WNT7B: variants seen among roughly 807,000 people sequenced by gnomAD.
The protein encoded by WNT7B is protein Wnt-7b.
Under a neutral mutation model 38.2 loss-of-function variants are expected in WNT7B, and 19 were observed. The ratio of observed to expected loss-of-function variants is 0.50; its 90% CI spans 0.35 to 0.73. The LOEUF is 0.73. Ranked by LOEUF, WNT7B falls within the 30% of genes least tolerant of loss-of-function variation. WNT7B has a pLI of 0.01. For synonymous variants in WNT7B, 243 were observed against 209.3 expected (o/e 1.16, Z -1.39); for missense variants, 423 against 507.9 (o/e 0.83, Z 1.61).
At chr22:45,956,911 T>G (rs576352390) in intron 1 of WNT7B, among the ~76,000 whole-genome samples, 188 of 151,880 alleles carry the variant, frequency 1.2e-3, no homozygotes, top group Non-Finnish European at 2.3e-3. Flanking sequence ...ATCGAGACCA[T>G]CCTGGCCAAC....
rs1932536159 is a variant in WNT7B, at chr22:45,975,724, G to A, written c.71+960C>T. The A allele has an allele frequency of 2.2e-6, 1 of 462,356 alleles. No individual in the cohort carries two copies. The highest frequency in any genetic ancestry group is 4.0e-6 in the Non-Finnish European group (1 of 252,430). The allele number at this position is 462,356 out of a possible 1,614,324, so 28.6% of individuals were successfully genotyped here. A position where few individuals can be genotyped will look rare whatever the true frequency, so the allele number is the denominator to read the frequency against. ...GGACGGGGCTCGCCTCGGGGCAGCC[G>A]GCGGCGCACAGTAGGCGCGCAGGGC... On this transcript the variant is annotated intron_variant, in intron 1 of 3. Transcript: ENST00000339464. This position sits in a 1 kb window ranked among gnomAD's most constrained non-coding sequence, Gnocchi z 6.6.
At chr22:45,929,480 C>CCACCCATG (rs369870859) in intron 3 of WNT7B, among the ~76,000 whole-genome samples, 1 of 143,716 alleles carries the variant, frequency 7.0e-6, no homozygotes, top group South Asian at 2.3e-4. Flanking sequence ...ATCCTTCCAT[C>CCACCCATG]TGTACATCCA....
At chr22:45,972,060 G>A (rs1054020614) in intron 1 of WNT7B, 2 of 504,244 alleles carry the variant, frequency 4.0e-6, no homozygotes, top group Non-Finnish European at 7.0e-6. Context: ...CCCGCCCAGG[G>A]GCCTCGCTGC....
chr22:45,941,718 C>A (rs1001853117), intron 2 of WNT7B, among the ~76,000 whole-genome samples: 13 of 152,078 alleles, frequency 8.5e-5, no homozygotes, highest in African/African-American at 3.1e-4. Context: ...CGAAGATGTC[C>A]CAGCATTGCC....
At chr22:45,927,557 G>C in intron 3 of WNT7B, 1 of 1,409,052 alleles carries the variant, frequency 7.1e-7, no homozygotes, top group East Asian at 2.5e-5. Flanking sequence ...AGGTCACCCT[G>C]GGTTGTCCAA....
intron 1 of WNT7B, among the ~76,000 whole-genome samples, chr22:45,962,071 C>A (rs1932209741): frequency 6.6e-6 from 1 of 151,382 alleles, no homozygotes; most frequent in Admixed American, 6.6e-5. Context: ...GGCTGCCCTC[C>A]CACCCTCCCC....
chr22:45,935,902 C>G (rs533404239), intron 2 of WNT7B: 1 of 985,172 alleles, frequency 1.0e-6, no homozygotes, highest in African/African-American at 1.7e-5. Flanking sequence ...AGCACGGATG[C>G]TCTGTTTGGG....
chr22:45,945,226 G>C (rs1198956133), intron 2 of WNT7B, among the ~76,000 whole-genome samples: 1 of 152,064 alleles, frequency 6.6e-6, no homozygotes, highest in Non-Finnish European at 1.5e-5. Flanking sequence ...TGGGAGTACA[G>C]GCATGTGCCA....
chr22:45,925,128 T>G, intron 3 of WNT7B: 4 of 961,498 alleles, frequency 4.2e-6, no homozygotes, highest in Non-Finnish European at 4.9e-6. Context: ...GGGTGGGCCC[T>G]AGGCTGGCAG....
intron 2 of WNT7B, chr22:45,935,837 C>G (rs1198636753): frequency 3.0e-6 from 3 of 985,432 alleles, no homozygotes; most frequent in Non-Finnish European, 2.4e-6. Flanking sequence ...CGAAAGCCAT[C>G]TGAGCTCAGC....
chr22:45,924,939 TGA>T, intron 3 of WNT7B, among the ~76,000 whole-genome samples: 1 of 91,430 alleles, frequency 1.1e-5, no homozygotes, highest in South Asian at 4.1e-4. Flanking sequence ...TGGGTGGGCC[TGA>T]AGGCTCATCA....
At chr22:45,928,608 C>T (rs1280757453) in intron 3 of WNT7B, among the ~76,000 whole-genome samples, 1 of 109,002 alleles carries the variant, frequency 9.2e-6, no homozygotes, top group Non-Finnish European at 2.0e-5. Context: ...GGACCATCAC[C>T]AGCCGCCTTG....
intron 3 of WNT7B, chr22:45,927,170 G>A: frequency 6.1e-6 from 6 of 985,464 alleles, no homozygotes; most frequent in Non-Finnish European, 7.2e-6. Flanking sequence ...GCCCCACGTA[G>A]CAGTGGGGAC....
intron 1 of WNT7B, among the ~76,000 whole-genome samples, chr22:45,950,671 G>A (rs1368313455): frequency 2.0e-5 from 3 of 152,184 alleles, no homozygotes; most frequent in Non-Finnish European, 2.9e-5. Flanking sequence ...CTCCAGCTCC[G>A]ACCTGTGTGT....
intron 3 of WNT7B, among the ~76,000 whole-genome samples, chr22:45,924,332 C>T (rs577398311): frequency 6.6e-6 from 1 of 152,312 alleles, no homozygotes; most frequent in Non-Finnish European, 1.5e-5. Context: ...TGAATGAGTA[C>T]AAGAAAAAGA....
At chr22:45,929,392 C>T (rs558206503) in intron 3 of WNT7B, among the ~76,000 whole-genome samples, 1 of 145,080 alleles carries the variant, frequency 6.9e-6, no homozygotes, top group Non-Finnish European at 1.6e-5. Context: ...ACTCACCCAT[C>T]CATCCTTCCA....
rs565488667 is a variant in WNT7B at position 45,927,619 on chromosome 22, G to A, written c.570+3479C>T. ...CCATATAAGAGATGGAACAGGGCCA[G>A]GTGCAGTGGCTCACACCTGTAATCC... On this transcript the variant is annotated intron_variant, in intron 3 of 3. Transcript: ENST00000339464. The A allele has an allele frequency of 3.4e-5, 29 of 850,702 alleles. 1 individual carries two copies. In the South Asian group the frequency reaches 4.0e-4, roughly 12 times the overall value. The allele number at this position is 850,702 out of a possible 1,614,324, so 52.7% of individuals were successfully genotyped here. A position where few individuals can be genotyped will look rare whatever the true frequency, so the allele number is the denominator to read the frequency against.
chr22:45,922,708 C>T lies in WNT7B; in HGVS notation c.*148G>A, dbSNP rs1930962110. 5 of 1,324,418 alleles carry T rather than the reference C, an allele frequency of 3.8e-6. No individual in the cohort carries two copies. Among genetic ancestry groups the T allele is most frequent in the Non-Finnish European group, 5.0e-6 (5 of 992,926 alleles). The allele number at this position is 1,324,418 out of a possible 1,614,324, so 82.0% of individuals were successfully genotyped here. On this transcript the variant is annotated 3_prime_UTR_variant, in exon 4 of 4. Coordinates refer to ENST00000339464, the MANE Select transcript of WNT7B (RefSeq NM_058238.3). ...GGGAGGCGGGCAGAGGGCGTGGGCC[C>T]CGGCCGGTGCCCTCCTGCACCTGGA...
intron 2 of WNT7B, among the ~76,000 whole-genome samples, chr22:45,944,073 T>A (rs1931736854): frequency 6.6e-6 from 1 of 152,146 alleles, no homozygotes. Context: ...AGGTGGGGCA[T>A]CAAGGTCCCC....
Sources: allele counts gnomAD v4.1 joint callset (sites outside exome capture counted in the v4.1 genomes callset), GRCh38; gene constraint gnomAD v4.1.1; non-coding constraint Gnocchi (gnomAD v3.1); transcripts MANE v1.5; gene names NCBI Gene and HGNC (gene_info 2026-07-23, HGNC 2026-07-21).